The following NFIB variants were observed in gnomAD, a reference collection of about 807,000 sequenced individuals.
The protein encoded by NFIB is nuclear factor I B, also known as nuclear factor 1 B-type.
In NFIB, 11 loss-of-function variants were observed where a neutral mutation model predicts 61.5. The observed-to-expected ratio is 0.18, with a 90% CI of 0.11 to 0.30. The LOEUF (loss-of-function observed/expected upper bound fraction) is 0.30. Among genes scored for constraint, NFIB ranks in the 10% least tolerant of loss-of-function variants. The pLI, the probability that NFIB is intolerant of heterozygous loss-of-function variation, is 1.00. For missense variants in NFIB, 471 were observed against 608.9 expected (o/e 0.77, Z 2.38); for synonymous variants, 260 against 216.5 (o/e 1.20, Z -1.76).
intron 1 of NFIB, among the ~76,000 whole-genome samples, chr9:14,355,653 G>A (rs1317674451): frequency 2.0e-5 from 3 of 152,116 alleles, no homozygotes; most frequent in African/African-American, 7.2e-5. Context: ...GCCCCACGTT[G>A]GCTTAAATAC....
chr9:14,325,852 C>T (rs1457670841), intron 1 of NFIB, among the ~76,000 whole-genome samples: 1 of 151,876 alleles, frequency 6.6e-6, no homozygotes, highest in Admixed American at 6.6e-5. Flanking sequence ...TTAAAAAATA[C>T]ATAATGTATT....
chr9:14,448,809 T>A, the NFIB span, among the ~76,000 whole-genome samples: 13 of 152,140 alleles, frequency 8.5e-5, no homozygotes, highest in African/African-American at 2.9e-4. Context: ...TACTCGACGT[T>A]AAGATTTTTA....
At chr9:14,250,406 G>A (rs1195289075) in intron 2 of NFIB, among the ~76,000 whole-genome samples, 1 of 152,152 alleles carries the variant, frequency 6.6e-6, no homozygotes, top group Non-Finnish European at 1.5e-5. Context: ...TCAAAGAGGA[G>A]GCAGAATTAA....
intron 5 of NFIB, among the ~76,000 whole-genome samples, chr9:14,149,524 A>T (rs971680769): frequency 1.8e-4 from 28 of 152,146 alleles, no homozygotes; most frequent in African/African-American, 6.8e-4. Context: ...ATCAGGAAAA[A>T]AAAAATGAGA....
chr9:14,084,972 A>AG lies in NFIB; in HGVS notation c.*3336dup. The AG allele has an allele frequency of 4.3e-6, 1 of 230,104 alleles. No individual in the cohort carries two copies. Among genetic ancestry groups the AG allele is most frequent in the East Asian group, 6.2e-5 (1 of 16,138 alleles). 14.3% of individuals were successfully genotyped at this position (230,104 alleles called of 1,614,324 possible). The stretch of plus-strand genomic sequence containing the variant: ...AGCTAGAACTGCTCACTGGCAAAAA[A>AG]GAGAGCGAGTCTGCCTTTAAAAAAT... On this transcript the variant is annotated 3_prime_UTR_variant, in exon 11 of 11. Coordinates refer to ENST00000380953, the MANE Select transcript of NFIB (RefSeq NM_001190737.2).
At chr9:14,372,941 GAGAAGCTT>G (rs1038164889) in intron 1 of NFIB, among the ~76,000 whole-genome samples, 1 of 151,948 alleles carries the variant, frequency 6.6e-6, no homozygotes, top group African/African-American at 2.4e-5. Context: ...AACAGCAACT[GAGAAGCTT>G]AGATATGAGC....
intron 2 of NFIB, among the ~76,000 whole-genome samples, chr9:14,257,688 A>T (rs1022473008): frequency 6.6e-6 from 1 of 152,154 alleles, no homozygotes; most frequent in Admixed American, 6.6e-5. Context: ...CCCGGGGGAC[A>T]GAGGTTGTGG....
At chr9:14,186,653 C>A (rs944853635) in intron 2 of NFIB, among the ~76,000 whole-genome samples, 8 of 152,026 alleles carry the variant, frequency 5.3e-5, no homozygotes, top group African/African-American at 1.9e-4. Context: ...CCTCTCTCTG[C>A]CCAAAGTTTT....
At chr9:14,122,225 CA>C (rs560137380) in intron 7 of NFIB, among the ~76,000 whole-genome samples, 2 of 151,294 alleles carry the variant, frequency 1.3e-5, no homozygotes, top group African/African-American at 2.4e-5. Context: ...TTACCTCTCC[CA>C]AAAAAAACTT....
At chr9:14,095,561 G>T (rs1490985940) in intron 10 of NFIB, among the ~76,000 whole-genome samples, 1 of 151,946 alleles carries the variant, frequency 6.6e-6, no homozygotes, top group African/African-American at 2.4e-5. Context: ...TGCTTTAACA[G>T]CAGATAAAAT....
At chr9:14,398,412 G>A (rs2061709070) in intron 1 of NFIB, 1 of 711,736 alleles carries the variant, frequency 1.4e-6, no homozygotes, top group Admixed American at 3.1e-5. Context: ...CAACAGGAAG[G>A]ACCTTCTCTA....
At chr9:14,419,759 G>A in the NFIB span, among the ~76,000 whole-genome samples, 1 of 152,066 alleles carries the variant, frequency 6.6e-6, no homozygotes, top group Non-Finnish European at 1.5e-5. Flanking sequence ...AGTGGCATCT[G>A]CTCCACTTCC....
At chr9:14,484,332 A>T in the NFIB span, among the ~76,000 whole-genome samples, 2 of 152,164 alleles carry the variant, frequency 1.3e-5, no homozygotes, top group Non-Finnish European at 2.9e-5. Context: ...AACTGAATAG[A>T]TTTAACTCTT....
chr9:14,152,819 T>C (rs116148174), intron 4 of NFIB, among the ~76,000 whole-genome samples: 1,845 of 149,474 alleles, frequency 0.012, 34 homozygotes, highest in African/African-American at 0.043. Flanking sequence ...CACTCATACA[T>C]GGGAGCTTAA....
the NFIB span, among the ~76,000 whole-genome samples, chr9:14,463,763 C>T: frequency 6.7e-6 from 1 of 148,436 alleles, no homozygotes; most frequent in African/African-American, 2.5e-5. Flanking sequence ...CGGGTTCACG[C>T]CATTCTCCTG....
chr9:14,461,858 A>G, the NFIB span, among the ~76,000 whole-genome samples: 4 of 152,228 alleles, frequency 2.6e-5, no homozygotes, highest in Admixed American at 2.0e-4. Flanking sequence ...AGATGTATTA[A>G]TGGCATTATG....
intron 1 of NFIB, chr9:14,347,338 C>T (rs1372329648): frequency 6.6e-6 from 1 of 152,268 alleles, no homozygotes; most frequent in African/African-American, 2.4e-5. Context: ...TCCACCACCG[C>T]GCGCTCCCAC....
intron 2 of NFIB, among the ~76,000 whole-genome samples, chr9:14,296,505 T>C (rs181498573): frequency 6.6e-6 from 1 of 152,338 alleles, no homozygotes; most frequent in East Asian, 1.9e-4. Context: ...TCTGATGGTA[T>C]TAGGAGGTGG....
chr9:14,306,921 G>T, intron 2 of NFIB, 68 bp downstream of exon 2: 2 of 1,571,978 alleles, frequency 1.3e-6, no homozygotes, highest in Non-Finnish European at 1.7e-6. Flanking sequence ...ACTCAAGCCA[G>T]ATACTCTGTC....
Sources: gnomAD v4.1 joint callset for allele counts (sites outside exome capture counted in the v4.1 genomes callset) on GRCh38, gnomAD v4.1.1 for gene constraint, MANE v1.5 for transcripts, NCBI Gene and HGNC (gene_info 2026-07-23, HGNC 2026-07-21) for gene names.